The following SNX29 variants were observed in gnomAD, a reference collection of about 807,000 sequenced individuals.
SNX29 encodes sorting nexin 29, also known as sorting nexin-29.
SNX29 carries 78 observed loss-of-function variants against 102.1 expected under a neutral mutation model. The ratio of observed to expected loss-of-function variants is 0.76; its 90% CI spans 0.64 to 0.92. The LOEUF (loss-of-function observed/expected upper bound fraction) is 0.92, where lower values mean the gene tolerates loss of function less well. Ranked by LOEUF, SNX29 falls within the 40% of genes least tolerant of loss-of-function variation. The pLI is 0.00. For missense variants in SNX29, 1,280 were observed against 1,061.7 expected, an observed-to-expected ratio of 1.21 and a Z score of -2.86; for synonymous variants, 580 against 414.5, an observed-to-expected ratio of 1.40 and a Z score of -4.85.
At chr16:12,557,926 G>A (rs1215065411) in intron 20 of SNX29, among the ~76,000 whole-genome samples, 1 of 152,168 alleles carries the variant, frequency 6.6e-6, no homozygotes, top group Non-Finnish European at 1.5e-5. Flanking sequence ...GGGCAGGCAG[G>A]CTGCTATTTT....
intron 14 of SNX29, among the ~76,000 whole-genome samples, chr16:12,242,485 G>A (rs1219391951): frequency 7.9e-5 from 12 of 151,230 alleles, no homozygotes; most frequent in Non-Finnish European, 1.6e-4. Context: ...CTGTCTGTGA[G>A]TGGTCGGAGA....
intron 19 of SNX29, among the ~76,000 whole-genome samples, chr16:12,493,565 A>C (rs1415821377): frequency 1.3e-5 from 2 of 152,132 alleles, no homozygotes; most frequent in African/African-American, 2.4e-5. Context: ...AGAACTTCCA[A>C]CACTATGTTG....
chr16:12,119,281 C>G (rs1156688490), intron 11 of SNX29, among the ~76,000 whole-genome samples: 1 of 152,198 alleles, frequency 6.6e-6, no homozygotes, highest in Non-Finnish European at 1.5e-5. Flanking sequence ...TCTGTATCCG[C>G]TTTTGGGATG....
At chr16:12,449,695 T>C (rs1438293610) in intron 18 of SNX29, among the ~76,000 whole-genome samples, 1 of 152,162 alleles carries the variant, frequency 6.6e-6, no homozygotes, top group Non-Finnish European at 1.5e-5. Flanking sequence ...GTTACGCAGG[T>C]TGCATCCAGG....
intron 11 of SNX29, among the ~76,000 whole-genome samples, chr16:12,083,816 T>C (rs8049038): frequency 0.069 from 10,516 of 152,338 alleles, 444 homozygotes; most frequent in East Asian, 0.13. Context: ...AAGCAGCGAA[T>C]GCTTCACTCA....
intron 20 of SNX29, among the ~76,000 whole-genome samples, chr16:12,552,291 C>A (rs1416492186): frequency 2.6e-5 from 4 of 152,184 alleles, no homozygotes; most frequent in Non-Finnish European, 5.9e-5. Flanking sequence ...TTCTGTGCCT[C>A]AGTTTCCTCT....
At chr16:12,514,690 C>T (rs767997554) in intron 19 of SNX29, among the ~76,000 whole-genome samples, 2 of 152,126 alleles carry the variant, frequency 1.3e-5, no homozygotes, top group Admixed American at 6.5e-5. Flanking sequence ...CATGGTGAAA[C>T]CCCGTCTCTA....
intron 13 of SNX29, among the ~76,000 whole-genome samples, chr16:12,172,711 C>T (rs2076176036): frequency 6.6e-6 from 1 of 152,114 alleles, no homozygotes; most frequent in Admixed American, 6.5e-5. Flanking sequence ...ACGGACTTGA[C>T]TTTTATAATC....
chr16:12,133,051 C>T (rs1006630561), intron 13 of SNX29, among the ~76,000 whole-genome samples: 4 of 152,098 alleles, frequency 2.6e-5, no homozygotes, highest in Admixed American at 2.6e-4. Flanking sequence ...CAGGGCAGGG[C>T]AGTGGAGTGT....
At chr16:12,179,676 A>G (rs2076339021) in intron 13 of SNX29, among the ~76,000 whole-genome samples, 1 of 152,172 alleles carries the variant, frequency 6.6e-6, no homozygotes, top group African/African-American at 2.4e-5. Context: ...CGTTTAGGTT[A>G]TTGCAAGCTT....
intron 19 of SNX29, among the ~76,000 whole-genome samples, chr16:12,498,207 T>G (rs1308264672): frequency 2.0e-5 from 3 of 152,112 alleles, no homozygotes; most frequent in African/African-American, 7.2e-5. Context: ...CGCAACTTCC[T>G]CTGGCCCATG....
intron 16 of SNX29, among the ~76,000 whole-genome samples, chr16:12,366,605 G>C (rs1367560995): frequency 1.3e-5 from 2 of 152,170 alleles, no homozygotes; most frequent in African/African-American, 4.8e-5. Context: ...CACCAGCCTG[G>C]TCAGAGTTTG....
intron 3 of SNX29, among the ~76,000 whole-genome samples, chr16:12,016,791 C>T (rs1348562821): frequency 6.6e-6 from 1 of 151,688 alleles, no homozygotes; most frequent in East Asian, 1.9e-4. Flanking sequence ...GGGTGATTTC[C>T]TAGAAGTGGG....
intron 18 of SNX29, among the ~76,000 whole-genome samples, chr16:12,445,342 G>T (rs1280531961): frequency 6.6e-6 from 1 of 152,066 alleles, no homozygotes; most frequent in African/African-American, 2.4e-5. Context: ...AGGCCTTATC[G>T]AGATGCCCCC....
chr16:12,547,146 A>C (rs1306797191), intron 20 of SNX29, among the ~76,000 whole-genome samples: 1 of 152,258 alleles, frequency 6.6e-6, no homozygotes, highest in Non-Finnish European at 1.5e-5. Flanking sequence ...AGAGGGAAAG[A>C]AGCCTGCTGG....
At chr16:12,042,668 C>T (rs1411545539) in intron 4 of SNX29, among the ~76,000 whole-genome samples, 2 of 152,154 alleles carry the variant, frequency 1.3e-5, no homozygotes, top group Non-Finnish European at 2.9e-5. Context: ...TGTTCTTTTT[C>T]ATGGCTGCAT....
intron 15 of SNX29, among the ~76,000 whole-genome samples, chr16:12,329,281 A>AAAAG (rs1398379147): frequency 1.3e-5 from 2 of 150,450 alleles, no homozygotes; most frequent in African/African-American, 4.9e-5. Flanking sequence ...TGTCTCAAAA[A>AAAAG]AAAAAAAAAA....
chr16:12,350,248 C>T (rs548359823), intron 15 of SNX29, among the ~76,000 whole-genome samples: 150 of 152,274 alleles, frequency 9.9e-4, no homozygotes, highest in South Asian at 2.3e-3. Flanking sequence ...AAATACCGGG[C>T]GGGGAGAATG....
chr16:12,155,128 C>T (rs1401476432), intron 13 of SNX29, among the ~76,000 whole-genome samples: 2 of 152,136 alleles, frequency 1.3e-5, no homozygotes, highest in African/African-American at 2.4e-5. Context: ...TGTCCTGCCC[C>T]CGTTGGTTGC....
Sources: allele counts gnomAD v4.1 joint callset (sites outside exome capture counted in the v4.1 genomes callset), GRCh38; gene constraint gnomAD v4.1.1; transcripts MANE v1.5; gene names NCBI Gene and HGNC (gene_info 2026-07-23, HGNC 2026-07-21).